DYNC1I1: variants seen among roughly 807,000 people sequenced by gnomAD.
The protein encoded by DYNC1I1 is cytoplasmic dynein 1 intermediate chain 1.
A neutral mutation model predicts 86.6 loss-of-function variants in DYNC1I1; 43 were observed. The observed-to-expected ratio is 0.50, with a 90% CI of 0.39 to 0.64. The LOEUF (loss-of-function observed/expected upper bound fraction) is 0.64, where lower values mean the gene tolerates loss of function less well. Ranked by LOEUF, DYNC1I1 falls within the 30% of genes least tolerant of loss-of-function variation. The probability of loss-of-function intolerance (pLI) is 0.00; values close to 1 mark genes in which losing one functional copy is unlikely to be tolerated. For synonymous variants in DYNC1I1, 262 were observed against 283.7 expected, an observed-to-expected ratio of 0.92 and a Z score of 0.77; for missense variants, 604 against 788.8, an observed-to-expected ratio of 0.77 and a Z score of 2.81.
intron 1 of DYNC1I1, among the ~76,000 whole-genome samples, chr7:95,800,669 G>A (rs1483788043): frequency 6.6e-6 from 1 of 152,210 alleles, no homozygotes; most frequent in Non-Finnish European, 1.5e-5. Flanking sequence ...TGATCAGACA[G>A]GGAGGAGCCC....
intron 2 of DYNC1I1, among the ~76,000 whole-genome samples, chr7:95,808,062 C>T (rs1335140168): frequency 1.3e-5 from 2 of 152,004 alleles, no homozygotes; most frequent in Non-Finnish European, 2.9e-5. Flanking sequence ...CCCAGACATC[C>T]TTTCCAAGCA....
rs1233157649 is a variant in DYNC1I1 at position 96,061,694 on chromosome 7, CCT to C, written c.1510-14345_1510-14344del. 3.3e-3 allele frequency among the ~76,000 whole-genome samples: 457 copies of C among 138,384 alleles called. 2 individuals are homozygous for C. Among genetic ancestry groups the C allele is most frequent in the East Asian group, 8.5e-3 (39 of 4,614 alleles). The allele number at this position is 138,384 out of a possible 152,430, so 90.8% of individuals were successfully genotyped here. On this transcript the variant is annotated intron_variant, in intron 14 of 16. Transcript: ENST00000447467. ...CTCTCTCTCTCTCCCTCCCTCCCTC[CCT>C]CTCTCTCTCTCTCTCTCACACACAC...
chr7:96,095,565 T>C (rs558434499), intron 16 of DYNC1I1, among the ~76,000 whole-genome samples: 125 of 152,280 alleles, frequency 8.2e-4, no homozygotes, highest in Non-Finnish European at 1.3e-3. Flanking sequence ...ATGGGGCATT[T>C]TAGCTTTAGC....
At chr7:95,977,794 G>A (rs1240605868) in intron 7 of DYNC1I1, among the ~76,000 whole-genome samples, 193 bp downstream of exon 7, 2 of 152,072 alleles carry the variant, frequency 1.3e-5, no homozygotes, top group African/African-American at 4.8e-5. Context: ...TTTATTTCTT[G>A]ACTGATAAAG....
At chr7:96,070,696 C>G (rs77909595) in intron 14 of DYNC1I1, among the ~76,000 whole-genome samples, 4 of 152,106 alleles carry the variant, frequency 2.6e-5, no homozygotes, top group Non-Finnish European at 5.9e-5. Context: ...AATGCAGCCT[C>G]GAGAACCACA....
At chr7:95,999,775 G>C (rs2299273) in intron 10 of DYNC1I1, among the ~76,000 whole-genome samples, 6,429 of 152,110 alleles carry the variant, frequency 0.042, 147 homozygotes, top group Middle Eastern at 0.079. Context: ...AGTCATGGGG[G>C]CTTTATTGTT....
intron 14 of DYNC1I1, among the ~76,000 whole-genome samples, chr7:96,074,357 G>T (rs1363309727): frequency 6.6e-6 from 1 of 152,054 alleles, no homozygotes; most frequent in Non-Finnish European, 1.5e-5. Flanking sequence ...AGACCATCCT[G>T]GCTAACACGG....
intron 4 of DYNC1I1, among the ~76,000 whole-genome samples, chr7:95,825,083 C>G (rs1795175297): frequency 6.6e-6 from 1 of 152,190 alleles, no homozygotes; most frequent in African/African-American, 2.4e-5. Flanking sequence ...CTGACAATAA[C>G]TATGGTTTCT....
At chr7:96,102,685 C>T (rs986153711), downstream of DYNC1I1, among the ~76,000 whole-genome samples, 6 of 152,180 alleles carry the variant, frequency 3.9e-5, no homozygotes, top group African/African-American at 1.4e-4. Flanking sequence ...AAGAGCTCTG[C>T]TGTATGGGCC....
At chr7:95,806,850 T>G (rs1385532533) in intron 2 of DYNC1I1, among the ~76,000 whole-genome samples, 1 of 152,160 alleles carries the variant, frequency 6.6e-6, no homozygotes, top group Non-Finnish European at 1.5e-5. Context: ...TGACTTGGTT[T>G]GTTCTGAGCA....
intron 6 of DYNC1I1, among the ~76,000 whole-genome samples, chr7:95,963,204 C>T (rs905561353): frequency 1.3e-5 from 2 of 152,098 alleles, no homozygotes; most frequent in African/African-American, 4.8e-5. Flanking sequence ...CCCTTTCTTC[C>T]CTCTGCCCTT....
chr7:96,008,184 C>G (rs1794188572), intron 10 of DYNC1I1, among the ~76,000 whole-genome samples: 1 of 152,120 alleles, frequency 6.6e-6, no homozygotes, highest in African/African-American at 2.4e-5. Context: ...CCTGATTTGC[C>G]CACTCTTGTT....
intron 6 of DYNC1I1, among the ~76,000 whole-genome samples, chr7:95,907,428 G>C (rs1462846845): frequency 6.6e-6 from 1 of 152,164 alleles, no homozygotes; most frequent in Non-Finnish European, 1.5e-5. Context: ...GCTGTGTACA[G>C]TCAGCCTAAC....
At chr7:95,857,599 C>T (rs1789759329) in intron 5 of DYNC1I1, among the ~76,000 whole-genome samples, 1 of 152,156 alleles carries the variant, frequency 6.6e-6, no homozygotes, top group Non-Finnish European at 1.5e-5. Flanking sequence ...AATTTGTAGC[C>T]TGCAATATTG....
chr7:95,884,751 T>A (rs1157372714), intron 6 of DYNC1I1, among the ~76,000 whole-genome samples: 1 of 145,314 alleles, frequency 6.9e-6, no homozygotes, highest in Non-Finnish European at 1.5e-5. Flanking sequence ...CTGGGCAATA[T>A]AGCGAGACCC....
chr7:95,830,860 C>T (rs567182680), intron 5 of DYNC1I1, among the ~76,000 whole-genome samples: 1 of 152,134 alleles, frequency 6.6e-6, no homozygotes, highest in African/African-American at 2.4e-5. Flanking sequence ...ACATTCTTGA[C>T]AACGCTTAGT....
At chr7:95,794,633 G>A (rs1794390729) in intron 1 of DYNC1I1, among the ~76,000 whole-genome samples, 1 of 152,026 alleles carries the variant, frequency 6.6e-6, no homozygotes, top group Non-Finnish European at 1.5e-5. Flanking sequence ...AGCATAATGG[G>A]CCTCTGTACT....
At chr7:95,851,517 T>C (rs1269009916) in intron 5 of DYNC1I1, among the ~76,000 whole-genome samples, 3 of 151,936 alleles carry the variant, frequency 2.0e-5, no homozygotes, top group Non-Finnish European at 2.9e-5. Flanking sequence ...GGCTACTGTA[T>C]TGATTTGCGT....
chr7:95,978,237 A>G (rs1793358231), intron 7 of DYNC1I1, among the ~76,000 whole-genome samples: 1 of 152,198 alleles, frequency 6.6e-6, no homozygotes, highest in African/African-American at 2.4e-5. Context: ...AGGAAGAGAG[A>G]GGTCTAAAAC....
Sources: gnomAD v4.1 joint callset for allele counts (sites outside exome capture counted in the v4.1 genomes callset) on GRCh38, gnomAD v4.1.1 for gene constraint, MANE v1.5 for transcripts, NCBI Gene and HGNC (gene_info 2026-07-23, HGNC 2026-07-21) for gene names.